Variants in PGLYRP2 observed in about 807,000 individuals in gnomAD.
The protein encoded by PGLYRP2 is N-acetylmuramoyl-L-alanine amidase.
A neutral mutation model predicts 46.2 loss-of-function variants in PGLYRP2; 38 were observed. That is an observed-to-expected ratio of 0.82 (90% CI 0.64 to 1.08). PGLYRP2 has a LOEUF of 1.08. Ranked by LOEUF, PGLYRP2 falls within the 50% of genes least tolerant of loss-of-function variation. The pLI, the probability that PGLYRP2 is intolerant of heterozygous loss-of-function variation, is 0.00. For missense variants in PGLYRP2, 713 were observed against 755.9 expected, an observed-to-expected ratio of 0.94 and a Z score of 0.67; for synonymous variants, 289 against 329.4, an observed-to-expected ratio of 0.88 and a Z score of 1.33.
Position 15,472,009 on chromosome 19 carries a change from G to C in PGLYRP2, c.1224C>G (p.Tyr408Ter), listed in dbSNP as rs773436487. Residue 408 changes from tyrosine to a stop codon, truncating the protein, a stop_gained, in exon 3 of 5, where the codon TAC becomes TAG. Transcript: ENST00000340880. LOFTEE classifies it high-confidence loss of function. ...GTGCAGGCACGTAGGTGTGATGCAC[G>C]TACAAGAATCCCAGCGGCAGCTGCA... The part of the protein sequence containing the change: ...KLLQLPLGFL[Y>*]VHHTYVPAPP... The C allele has an allele frequency of 1.2e-6, 2 of 1,613,644 alleles. No homozygotes were observed. The highest frequency in any genetic ancestry group is 1.1e-5 in the South Asian group (1 of 91,088).
intron 3 of PGLYRP2, among the ~76,000 whole-genome samples, chr19:15,470,246 TTCC>T (rs1568340217): frequency 1.1e-5 from 1 of 90,362 alleles, no homozygotes; most frequent in Non-Finnish European, 2.2e-5. Flanking sequence ...TTTTCTTTCC[TTCC>T]TTCCTTCCTT....
rs749305059 is a variant in PGLYRP2, at chr19:15,471,974, G to A, written c.1259C>T (p.Thr420Met). 2.5e-6 allele frequency: 4 copies of A among 1,614,022 alleles called. No individual in the cohort carries two copies. The South Asian group carries it at 3.3e-5, about 13-fold the overall frequency. ...GTTGGCTGCGCAGCGCGTGAAGTCC[G>A]TGCAGGGTGGTGCAGGCACGTAGGT... is the stretch of plus-strand genomic sequence containing the variant. Reference protein sequence around the residue: ...HHTYVPAPPCTDFTRCAANMR... With the variant: ...HHTYVPAPPCMDFTRCAANMR... The change falls in exon 3 of 5, where the codon ACG becomes ATG. Residue 420 changes from threonine to methionine, a missense_variant. Thr to Met is a moderately conservative substitution (Grantham distance 81, BLOSUM62 -1). Coordinates refer to ENST00000340880, the MANE Select transcript of PGLYRP2 (RefSeq NM_052890.4).
intron 2 of PGLYRP2, 99 bp downstream of exon 2, chr19:15,475,439 C>T (rs1970784301): frequency 8.2e-7 from 1 of 1,215,962 alleles, no homozygotes; most frequent in Non-Finnish European, 1.2e-6. Context: ...CTTATTGCCC[C>T]CTCTGGACTC....
chr19:15,468,770 A>C lies in PGLYRP2; in HGVS notation c.1642-18T>G. The C allele has an allele frequency of 6.3e-7, 1 of 1,596,080 alleles. No individual in the cohort carries two copies. Among genetic ancestry groups the C allele is most frequent in the Non-Finnish European group, 8.6e-7 (1 of 1,168,744 alleles). On this transcript the variant is annotated intron_variant, in intron 4 of 4. Transcript: ENST00000340880. ...TTAACAGTCTGGAAAAAGACAAGGG[A>C]GTGTGAGGCTTGGGGGTGGTTGTGG...
chr19:15,469,299 G>A lies in PGLYRP2; in HGVS notation c.1641+333C>T. 1.6e-6 allele frequency: 1 copy of A among 620,530 alleles called. No individual in the cohort carries two copies. The highest frequency in any genetic ancestry group is 2.6e-5 in the Admixed American group (1 of 38,318). 38.4% of individuals were successfully genotyped at this position (620,530 alleles called of 1,614,324 possible). A position where few individuals can be genotyped will look rare whatever the true frequency, so the allele number is the denominator to read the frequency against. On this transcript the variant is annotated intron_variant, in intron 4 of 4. Transcript: ENST00000340880. The surrounding 1 kb of genome is among the most constrained non-coding windows in gnomAD (Gnocchi z 4.9). Reference sequence around the variant, plus strand: ...GTAGAGAAGTCATGAAGGCCAGGCTGAGGTTGTGAGGGCAGAGGGGCTGTT... The same window carrying A: ...GTAGAGAAGTCATGAAGGCCAGGCTAAGGTTGTGAGGGCAGAGGGGCTGTT...
At chr19:15,470,960 G>A (rs564011246) in intron 3 of PGLYRP2, among the ~76,000 whole-genome samples, 2 of 151,850 alleles carry the variant, frequency 1.3e-5, no homozygotes, top group African/African-American at 4.8e-5. Flanking sequence ...TTCTTTTCGA[G>A]ACGGGTTCTC....
chr19:15,474,498 G>A (rs1377310250), intron 2 of PGLYRP2, among the ~76,000 whole-genome samples: 1 of 152,152 alleles, frequency 6.6e-6, no homozygotes, highest in East Asian at 1.9e-4. Flanking sequence ...ATTCACAATA[G>A]CAAAGGTAAG....
chr19:15,468,834 G>C (rs79229584), intron 4 of PGLYRP2, 82 bp from the exon 5 acceptor site: 41,346 of 1,091,404 alleles, frequency 0.038, 939 homozygotes, highest in Non-Finnish European at 0.046. Context: ...TGGAACCCTG[G>C]ATCAGGGAGG....
In PGLYRP2 at chr19:15,469,155, A is replaced by C. The variant is rs1970719189; in HGVS notation, c.1642-403T>G. On this transcript the variant is annotated intron_variant, in intron 4 of 4. Transcript: ENST00000340880. The surrounding 1 kb of genome is among the most constrained non-coding windows in gnomAD (Gnocchi z 4.9). ...AGGACTGGACAGAGGTTGTGAAGGC[A>C]AAAGGTCACAGCCTAGGTTCATGTT... is the stretch of plus-strand genomic sequence containing the variant. 1 of 567,034 alleles carries C rather than the reference A, an allele frequency of 1.8e-6. No individual in the cohort carries two copies. The highest frequency in any genetic ancestry group is 1.9e-5 in the African/African-American group (1 of 53,226). 35.1% of individuals were successfully genotyped at this position (567,034 alleles called of 1,614,324 possible).
Position 15,469,080 on chromosome 19 carries a change from G to T in PGLYRP2, c.1642-328C>A. 1 of 518,756 alleles carries T rather than the reference G, an allele frequency of 1.9e-6. No homozygotes were observed. The highest frequency in any genetic ancestry group is 3.4e-6 in the Non-Finnish European group (1 of 291,960). The allele number at this position is 518,756 out of a possible 1,614,324, so 32.1% of individuals were successfully genotyped here. On this transcript the variant is annotated intron_variant, in intron 4 of 4. Coordinates refer to ENST00000340880, the MANE Select transcript of PGLYRP2 (RefSeq NM_052890.4). The surrounding 1 kb of genome is among the most constrained non-coding windows in gnomAD (Gnocchi z 4.9). ...GGTTAAGGAGTCAGGGACGAAACAA[G>T]CAACCTCAGAGTTGAGATTGTCTGG... is the stretch of plus-strand genomic sequence containing the variant.
Position 15,469,993 on chromosome 19 carries a change from C to G in PGLYRP2, c.1344-64G>C. 1 of 1,334,322 alleles carries G rather than the reference C, an allele frequency of 7.5e-7. No homozygotes were observed. Among genetic ancestry groups the G allele is most frequent in the Non-Finnish European group, 9.6e-7 (1 of 1,043,318 alleles). 82.7% of individuals were successfully genotyped at this position (1,334,322 alleles called of 1,614,324 possible). On this transcript the variant is annotated intron_variant, in intron 3 of 4. Transcript: ENST00000340880. The surrounding 1 kb of genome is among the most constrained non-coding windows in gnomAD (Gnocchi z 4.9). ...AGGGGGACCCGGGCCCTTATCCGCT[C>G]CCCTCCCCGATTCTGTTGGTGTGCC...
In PGLYRP2 at chr19:15,469,328, A is replaced by T; in HGVS notation, c.1641+304T>A. On this transcript the variant is annotated intron_variant, in intron 4 of 4. Coordinates refer to ENST00000340880, the MANE Select transcript of PGLYRP2 (RefSeq NM_052890.4). The surrounding 1 kb of genome is among the most constrained non-coding windows in gnomAD (Gnocchi z 4.9). ...TTGTGAGGGCAGAGGGGCTGTTGGC[A>T]GGTGTCAGGGTCCATGCCTTGGCTG... 1 of 638,148 alleles carries T rather than the reference A, an allele frequency of 1.6e-6. No individual in the cohort carries two copies. The allele number at this position is 638,148 out of a possible 1,614,324, so 39.5% of individuals were successfully genotyped here.
In PGLYRP2 at chr19:15,476,242, T is replaced by C. The variant is rs1308848323; in HGVS notation, c.428A>G (p.Asp143Gly). Residue 143 changes from aspartate (D) to glycine (G), a missense_variant, in exon 2 of 5, where the codon GAC becomes GGC. Asp to Gly is a moderately conservative substitution (Grantham distance 94). Coordinates refer to ENST00000340880, the MANE Select transcript of PGLYRP2 (RefSeq NM_052890.4). ...QGRRVINLPLDSMAAPWETGD... is the reference protein window; with the variant it reads ...QGRRVINLPLGSMAAPWETGD... ...AGTCTCCCAAGGGGCAGCCATGCTG[T>C]CCAAGGGCAAATTTATGACCCTGCG... 2 of 1,614,042 alleles carry C rather than the reference T, an allele frequency of 1.2e-6. No homozygotes were observed. Among genetic ancestry groups the C allele is most frequent in the East Asian group, 2.2e-5 (1 of 44,880 alleles).
rs2145515988 is a variant in PGLYRP2, at chr19:15,472,069, C to G, written c.1164G>C (p.Trp388Cys). ...GGCGGCCCCGATAAGGCGCCGCTCC[C>G]CAGCGGCAGCGGGGGTGGATGGCCG... Reference protein sequence around the residue: ...GCPAIHPRCRWGAAPYRGRPK... With the variant: ...GCPAIHPRCRCGAAPYRGRPK... The change falls in exon 3 of 5, where the codon TGG becomes TGC. Residue 388 changes from tryptophan (W) to cysteine (C), a missense_variant. By Grantham distance (215) the Trp-to-Cys change is radical. Transcript: ENST00000340880. 1 of 1,606,082 alleles carries G rather than the reference C, an allele frequency of 6.2e-7. No individual in the cohort carries two copies. The highest frequency in any genetic ancestry group is 1.7e-5 in the Admixed American group (1 of 59,990).
intron 1 of PGLYRP2, among the ~76,000 whole-genome samples, chr19:15,477,726 T>TTAAAATAAAATAAAA (rs55707700): frequency 1.5e-3 from 216 of 144,386 alleles, no homozygotes; most frequent in South Asian, 4.4e-3. Flanking sequence ...TAAAATTAAA[T>TTAAAATAAAATAAAA]TAAAATAAAA....
In PGLYRP2 at chr19:15,472,047, G is replaced by C. The variant is rs1346123387; in HGVS notation, c.1186C>G (p.Arg396Gly). 6.2e-7 allele frequency: 1 copy of C among 1,610,742 alleles called. No homozygotes were observed. Among genetic ancestry groups the C allele is most frequent in the Admixed American group, 1.7e-5 (1 of 59,986 alleles). Residue 396 changes from arginine to glycine, a missense_variant, in exon 3 of 5, where the codon CGC (arginine) becomes GGC (glycine). Transcript: ENST00000340880. ...AGCGGCAGCTGCAGCAGCTTCGGGC[G>C]GCCCCGATAAGGCGCCGCTCCCCAG... ...CRWGAAPYRG[R>G]PKLLQLPLGF...
Position 15,471,934 on chromosome 19 carries a change from C to T in PGLYRP2, c.1299G>A (p.Gln433=). Residue 433 remains glutamine, a synonymous_variant, in exon 3 of 5, where the codon CAG becomes CAA. Transcript: ENST00000340880. ...TRCAANMRSM[Q]RYHQDTQGWG... ...AGCCTTGCGTGTCCTGGTGGTAGCG[C>T]TGCATGGAGCGCATGTTGGCTGCGC... 1 of 1,614,130 alleles carries T rather than the reference C, an allele frequency of 6.2e-7. No individual in the cohort carries two copies. Among genetic ancestry groups the T allele is most frequent in the Non-Finnish European group, 8.5e-7 (1 of 1,179,974 alleles).
chr19:15,477,651 A>AC (rs1301814919), intron 1 of PGLYRP2, among the ~76,000 whole-genome samples: 2 of 146,976 alleles, frequency 1.4e-5, no homozygotes, highest in African/African-American at 2.5e-5. Flanking sequence ...TGAGCCAAGA[A>AC]CCCCCCACTG....
At position 15,469,751 on chromosome 19, in the gene PGLYRP2, C is replaced by G; in HGVS notation, c.1522G>C (p.Val508Leu). 6.7e-7 allele frequency: 1 copy of G among 1,494,308 alleles called. No homozygotes were observed. Among genetic ancestry groups the G allele is most frequent in the Non-Finnish European group, 8.9e-7 (1 of 1,129,180 alleles). The allele number at this position is 1,494,308 out of a possible 1,614,324, so 92.6% of individuals were successfully genotyped here. ...TVRDTLPSCA[V>L]RAGLLRPDYA... ...TCTGGCCGCAGGAGGCCGGCGCGCA[C>G]CGCACAACTCGGGAGCGTGTCGCGC... Residue 508 changes from valine (V) to leucine (L), a missense_variant, in exon 4 of 5, where the codon GTG becomes CTG. Val to Leu is a conservative substitution (Grantham distance 32, BLOSUM62 1). Coordinates refer to ENST00000340880, the MANE Select transcript of PGLYRP2 (RefSeq NM_052890.4). This position sits in a 1 kb window ranked among gnomAD's most constrained non-coding sequence, Gnocchi z 4.9.
Sources: gnomAD v4.1 joint callset for allele counts (sites outside exome capture counted in the v4.1 genomes callset) on GRCh38, gnomAD v4.1.1 for gene constraint, Gnocchi (gnomAD v3.1) non-coding constraint, MANE v1.5 for transcripts, NCBI Gene and HGNC (gene_info 2026-07-23, HGNC 2026-07-21) for gene names.